Variants in SCTR observed in about 807,000 individuals in gnomAD.
SCTR encodes secretin receptor.
A neutral mutation model predicts 60.8 loss-of-function variants in SCTR; 56 were observed. The observed-to-expected ratio is 0.92, with a 90% confidence interval of 0.74 to 1.15. The LOEUF (loss-of-function observed/expected upper bound fraction) is 1.15, where lower values mean the gene tolerates loss of function less well. Among genes scored for constraint, SCTR ranks in the 50% most tolerant of loss-of-function variants. The probability of loss-of-function intolerance (pLI) is 0.00; values close to 1 mark genes in which losing one functional copy is unlikely to be tolerated. For synonymous variants in SCTR, 202 were observed against 217.0 expected (o/e 0.93, Z 0.61); for missense variants, 562 against 550.4 (o/e 1.02, Z -0.21).
chr2:119,450,213 C>A (rs887383276), intron 9 of SCTR, among the ~76,000 whole-genome samples: 2 of 152,036 alleles, frequency 1.3e-5, no homozygotes, highest in Non-Finnish European at 2.9e-5. Flanking sequence ...AGAATGAGTC[C>A]ATTTTTAAAT....
At chr2:119,503,244 A>G (rs866772270) in intron 1 of SCTR, among the ~76,000 whole-genome samples, 20 of 152,208 alleles carry the variant, frequency 1.3e-4, no homozygotes, top group Middle Eastern at 6.8e-3. Flanking sequence ...AATCTTAAAT[A>G]CAGATTGCTA....
chr2:119,520,470 G>T (rs192145553), intron 1 of SCTR, among the ~76,000 whole-genome samples: 9 of 152,330 alleles, frequency 5.9e-5, no homozygotes, highest in African/African-American at 2.2e-4. Context: ...TTGCACTCCA[G>T]CCCGGGCAAC....
intron 6 of SCTR, among the ~76,000 whole-genome samples, chr2:119,462,330 C>G (rs1396617353): frequency 6.6e-6 from 1 of 152,158 alleles, no homozygotes; most frequent in Non-Finnish European, 1.5e-5. Flanking sequence ...GGATACTGCC[C>G]AATCCCCTCA....
chr2:119,502,133 G>C (rs564879831), intron 1 of SCTR, among the ~76,000 whole-genome samples: 1 of 152,092 alleles, frequency 6.6e-6, no homozygotes, highest in Non-Finnish European at 1.5e-5. Flanking sequence ...TCATGAGCCC[G>C]TAGTCCCAGA....
chr2:119,453,651 C>G (rs538475256), intron 7 of SCTR, among the ~76,000 whole-genome samples: 1 of 152,220 alleles, frequency 6.6e-6, no homozygotes, highest in Non-Finnish European at 1.5e-5. Context: ...TATAGAGGGG[C>G]TGGGACTCCT....
chr2:119,510,933 C>T (rs1478364533), intron 1 of SCTR, among the ~76,000 whole-genome samples: 3 of 152,060 alleles, frequency 2.0e-5, no homozygotes, highest in Non-Finnish European at 1.5e-5. Context: ...CATGGTGGCT[C>T]ACGCCTGTAA....
chr2:119,481,074 C>T (rs538302235), intron 2 of SCTR, among the ~76,000 whole-genome samples: 36 of 152,382 alleles, frequency 2.4e-4, no homozygotes, highest in African/African-American at 7.5e-4. Flanking sequence ...CTGGCAACCC[C>T]TTTCCCGCTG....
intron 7 of SCTR, among the ~76,000 whole-genome samples, chr2:119,459,518 C>A (rs368207188): frequency 6.6e-6 from 1 of 152,030 alleles, no homozygotes; most frequent in East Asian, 1.9e-4. Flanking sequence ...GGGGCCGTTA[C>A]CTTCGCATGA....
chr2:119,486,534 C>A (rs912653633), intron 2 of SCTR: 1 of 152,134 alleles, frequency 6.6e-6, no homozygotes, highest in African/African-American at 2.4e-5. Context: ...GGATTAATTG[C>A]CAGCAGCAAT....
At chr2:119,455,588 G>C (rs1250619469) in intron 7 of SCTR, among the ~76,000 whole-genome samples, 1 of 152,200 alleles carries the variant, frequency 6.6e-6, no homozygotes, top group African/African-American at 2.4e-5. Context: ...AACAAGAAAG[G>C]GGGCTTAGGA....
intron 1 of SCTR, among the ~76,000 whole-genome samples, chr2:119,513,721 T>C (rs1679026342): frequency 6.6e-6 from 1 of 152,198 alleles, no homozygotes. Flanking sequence ...CCTCATTAAT[T>C]ACACATCAGA....
At chr2:119,512,543 C>T (rs1268213225) in intron 1 of SCTR, among the ~76,000 whole-genome samples, 2 of 151,992 alleles carry the variant, frequency 1.3e-5, no homozygotes, top group Non-Finnish European at 2.9e-5. Flanking sequence ...ATTACAGGTG[C>T]GTGCCACCAA....
chr2:119,519,563 T>C (rs546163625), intron 1 of SCTR, among the ~76,000 whole-genome samples: 20 of 151,948 alleles, frequency 1.3e-4, no homozygotes, highest in East Asian at 1.2e-3. Context: ...TCCCAGCACT[T>C]TGGGAGGCCA....
rs746911205 is a variant in SCTR, at chr2:119,464,171, G to A, written c.588C>T (p.Asp196=). 2.6e-5 allele frequency: 42 copies of A among 1,614,040 alleles called. No homozygotes were observed. Among genetic ancestry groups the A allele is most frequent in the Non-Finnish European group, 3.4e-5 (40 of 1,180,002 alleles). The part of the protein sequence containing the change: ...ILRALSNFIK[D]AVLFSSDDVT... ...CATCATCTGAGGAGAAGAGCACGGCGTCCTTGATGAAGTTGGACAGGGCAC... is the reference window on the plus strand; with the variant it reads ...CATCATCTGAGGAGAAGAGCACGGCATCCTTGATGAAGTTGGACAGGGCAC... The change falls in exon 6 of 13, where the codon GAC becomes GAT. Residue 196 remains aspartate (D), a synonymous_variant. Transcript: ENST00000019103.
chr2:119,514,154 A>C (rs1679040594), intron 1 of SCTR, among the ~76,000 whole-genome samples: 1 of 152,172 alleles, frequency 6.6e-6, no homozygotes, highest in African/African-American at 2.4e-5. Context: ...TTATTTTTCC[A>C]GATGGTAGAC....
At chr2:119,460,367 G>T (rs1398462323) in intron 7 of SCTR, among the ~76,000 whole-genome samples, 2 of 152,008 alleles carry the variant, frequency 1.3e-5, no homozygotes, top group African/African-American at 2.4e-5. Flanking sequence ...TTTATCAAAT[G>T]AGCAACTAAT....
chr2:119,471,785 G>A (rs1677028730), intron 4 of SCTR, among the ~76,000 whole-genome samples: 1 of 152,194 alleles, frequency 6.6e-6, no homozygotes, highest in East Asian at 1.9e-4. Flanking sequence ...GAAGACAGAG[G>A]ACGGAGCACT....
intron 1 of SCTR, among the ~76,000 whole-genome samples, chr2:119,508,397 T>A (rs1678825878): frequency 7.2e-6 from 1 of 138,758 alleles, no homozygotes; most frequent in African/African-American, 2.7e-5. Flanking sequence ...TTTTTTTTTT[T>A]TTTTTTTTTT....
intron 9 of SCTR, among the ~76,000 whole-genome samples, chr2:119,449,967 G>A (rs111935534): frequency 0.028 from 2,765 of 100,504 alleles, 93 homozygotes; most frequent in African/African-American, 0.084. Context: ...GAAGGAGGGA[G>A]GGAGGGAGGG....
Sources: gnomAD v4.1 joint callset for allele counts (sites outside exome capture counted in the v4.1 genomes callset) on GRCh38, gnomAD v4.1.1 for gene constraint, MANE v1.5 for transcripts, NCBI Gene and HGNC (gene_info 2026-07-23, HGNC 2026-07-21) for gene names.